Variants in KLHL2 observed in about 807,000 individuals in gnomAD.
The protein encoded by KLHL2 is kelch like family member 2.
A neutral mutation model predicts 75.8 loss-of-function variants in KLHL2; 15 were observed. The ratio of observed to expected loss-of-function variants is 0.20; its 90% CI spans 0.13 to 0.30. The LOEUF (loss-of-function observed/expected upper bound fraction) is 0.30. Ranked by LOEUF, KLHL2 falls within the 10% of genes least tolerant of loss-of-function variation. KLHL2 has a pLI of 1.00. For missense variants in KLHL2, 381 were observed against 741.0 expected (o/e 0.51, Z 5.64); for synonymous variants, 214 against 251.9 (o/e 0.85, Z 1.42).
At chr4:165,208,733 A>G (rs1737009273) in intron 1 of KLHL2, among the ~76,000 whole-genome samples, 1 of 152,176 alleles carries the variant, frequency 6.6e-6, no homozygotes, top group South Asian at 2.1e-4. Context: ...GAAAATTTCA[A>G]TTTTGGTTCC....
chr4:165,277,692 A>C (rs1381967203), intron 5 of KLHL2: 1 of 525,298 alleles, frequency 1.9e-6, no homozygotes, highest in Non-Finnish European at 3.4e-6. Flanking sequence ...ATGTTATGGC[A>C]ATGGAGGGGG....
At chr4:165,245,677 A>C (rs1381472061) in intron 4 of KLHL2, among the ~76,000 whole-genome samples, 1 of 152,146 alleles carries the variant, frequency 6.6e-6, no homozygotes, top group Non-Finnish European at 1.5e-5. Context: ...TATGGTGCCC[A>C]ATAAGCTTTG....
intron 1 of KLHL2, among the ~76,000 whole-genome samples, chr4:165,217,790 T>G (rs1328263584): frequency 6.6e-6 from 1 of 152,206 alleles, no homozygotes; most frequent in Non-Finnish European, 1.5e-5. Flanking sequence ...TAAACTTTTC[T>G]CTCCAGCTCT....
intron 2 of KLHL2, chr4:165,223,885 A>G: frequency 2.3e-6 from 1 of 432,458 alleles, no homozygotes; most frequent in South Asian, 1.7e-5. Flanking sequence ...TATAGAGGGG[A>G]CAGAGAAGCA....
chr4:165,311,219 A>G (rs1008847349), intron 10 of KLHL2, among the ~76,000 whole-genome samples: 27 of 152,248 alleles, frequency 1.8e-4, no homozygotes, highest in African/African-American at 5.5e-4. Context: ...TGAGTATATA[A>G]ATTTTCTTTC....
intron 5 of KLHL2, among the ~76,000 whole-genome samples, chr4:165,264,311 C>G (rs1361487689): frequency 6.6e-6 from 1 of 151,314 alleles, no homozygotes; most frequent in African/African-American, 2.4e-5. Flanking sequence ...TTTAATGTAC[C>G]CGTCACCTGA....
chr4:165,247,749 A>T (rs1740380537), intron 4 of KLHL2, among the ~76,000 whole-genome samples: 1 of 152,202 alleles, frequency 6.6e-6, no homozygotes, highest in Non-Finnish European at 1.5e-5. Flanking sequence ...CAAAAGGAAG[A>T]TGAGGAAGAG....
At chr4:165,313,775 C>T (rs1746391223) in intron 12 of KLHL2, among the ~76,000 whole-genome samples, 1 of 152,078 alleles carries the variant, frequency 6.6e-6, no homozygotes, top group African/African-American at 2.4e-5. Context: ...CCCTGTGTTT[C>T]ACCTACATGT....
intron 8 of KLHL2, among the ~76,000 whole-genome samples, chr4:165,303,298 C>A (rs537862982): frequency 6.6e-5 from 10 of 152,258 alleles, no homozygotes; most frequent in African/African-American, 2.4e-4. Flanking sequence ...ATTATGAAAT[C>A]TATAACTCAG....
chr4:165,284,443 G>A (rs1441575317), intron 5 of KLHL2, among the ~76,000 whole-genome samples: 1 of 152,142 alleles, frequency 6.6e-6, no homozygotes, highest in African/African-American at 2.4e-5. Context: ...AATGCCGCCA[G>A]TCTCTTTGCT....
chr4:165,308,092 AAT>A (rs1745871348), intron 9 of KLHL2, among the ~76,000 whole-genome samples: 2 of 152,288 alleles, frequency 1.3e-5, no homozygotes, highest in South Asian at 4.1e-4. Context: ...TGAGCTTTAT[AAT>A]ATGTTTTACT....
intron 13 of KLHL2, among the ~76,000 whole-genome samples, chr4:165,315,545 T>C (rs1423935217): frequency 2.6e-5 from 4 of 152,224 alleles, no homozygotes; most frequent in African/African-American, 9.6e-5. Context: ...TTATTTTCTA[T>C]GCAAATAACA....
At chr4:165,213,400 G>A (rs1485785787) in intron 1 of KLHL2, among the ~76,000 whole-genome samples, 2 of 152,176 alleles carry the variant, frequency 1.3e-5, no homozygotes, top group African/African-American at 4.8e-5. Flanking sequence ...AGATCATCAT[G>A]TGCTTTTAAA....
intron 8 of KLHL2, among the ~76,000 whole-genome samples, chr4:165,301,954 T>A (rs1745383710): frequency 6.6e-6 from 1 of 152,186 alleles, no homozygotes; most frequent in Admixed American, 6.5e-5. Context: ...ACTTACTTTC[T>A]CTTTTGTGGT....
chr4:165,245,858 C>T (rs1740216850), intron 4 of KLHL2, among the ~76,000 whole-genome samples: 1 of 152,076 alleles, frequency 6.6e-6, no homozygotes, highest in Non-Finnish European at 1.5e-5. Context: ...GTTGAGCTTA[C>T]CTCTTTTTTT....
rs144610320 is a variant in KLHL2, at chr4:165,209,941, A to G, written c.26+2039A>G. ...CCTGTTTGCCTCCACTCCCATTAAC[A>G]TCCCTCCACCATGGATCCCGTGTGC... On this transcript the variant is annotated intron_variant, in intron 1 of 14. Coordinates refer to ENST00000226725, the MANE Select transcript of KLHL2 (RefSeq NM_007246.4). 337 of 1,342,504 alleles carry G rather than the reference A, an allele frequency of 2.5e-4. No homozygotes were observed. In the African/African-American group the frequency reaches 4.5e-3, roughly 18 times the overall value. 83.2% of individuals were successfully genotyped at this position (1,342,504 alleles called of 1,614,324 possible).
intron 11 of KLHL2, among the ~76,000 whole-genome samples, chr4:165,311,842 T>TGTGTGTG (rs1420945057): frequency 2.0e-5 from 3 of 150,470 alleles, no homozygotes; most frequent in Non-Finnish European, 4.4e-5. Flanking sequence ...TGTGTGTGTG[T>TGTGTGTG]GTGTTTGACT....
In KLHL2 at chr4:165,238,629, G is replaced by C. The variant is rs534961265; in HGVS notation, c.260-149G>C. ...TCAGGTGAGCTTTTGGAAGAGGAAG[G>C]GGGGAGTATTTTCGGCCTGCAAAAA... On this transcript the variant is annotated intron_variant, in intron 3 of 14. Coordinates refer to ENST00000226725, the MANE Select transcript of KLHL2 (RefSeq NM_007246.4). 24 of 1,458,742 alleles carry C rather than the reference G, an allele frequency of 1.6e-5. No individual in the cohort carries two copies. In the Admixed American group the frequency reaches 2.5e-4, roughly 15 times the overall value. The allele number at this position is 1,458,742 out of a possible 1,614,324, so 90.4% of individuals were successfully genotyped here.
At chr4:165,215,438 G>A (rs1737475719) in intron 1 of KLHL2, among the ~76,000 whole-genome samples, 1 of 152,200 alleles carries the variant, frequency 6.6e-6, no homozygotes, top group South Asian at 2.1e-4. Context: ...GAAGACAGCA[G>A]AGAAATAGAA....
Sources: allele counts gnomAD v4.1 joint callset (sites outside exome capture counted in the v4.1 genomes callset), GRCh38; gene constraint gnomAD v4.1.1; transcripts MANE v1.5; gene names NCBI Gene and HGNC (gene_info 2026-07-23, HGNC 2026-07-21).